The following NRXN3 variants were observed in gnomAD, a reference collection of about 807,000 sequenced individuals.
The protein encoded by NRXN3 is neurexin 3.
NRXN3 carries 32 observed loss-of-function variants against 137.6 expected under a neutral mutation model. The ratio of observed to expected loss-of-function variants is 0.23; its 90% CI spans 0.18 to 0.31. The LOEUF (loss-of-function observed/expected upper bound fraction) is 0.31. NRXN3 is among the 10% of genes least tolerant of loss of function. The pLI is 1.00. For missense variants in NRXN3, 1,574 were observed against 2,062.5 expected (o/e 0.76, Z 4.59); for synonymous variants, 798 against 784.5 (o/e 1.02, Z -0.29).
intron 15 of NRXN3, among the ~76,000 whole-genome samples, chr14:79,311,726 G>T (rs1403088614): frequency 2.4e-5 from 2 of 83,256 alleles, no homozygotes; most frequent in African/African-American, 4.5e-5. Flanking sequence ...TTGCGTAGAG[G>T]TGTTTGTAGT....
At chr14:78,607,698 A>C (rs192906392) in intron 4 of NRXN3, among the ~76,000 whole-genome samples, 3 of 152,322 alleles carry the variant, frequency 2.0e-5, no homozygotes, top group Admixed American at 6.5e-5. Context: ...GAACAGTTCC[A>C]TTCTGATAAG....
chr14:79,320,670 G>T (rs186629495), intron 15 of NRXN3, among the ~76,000 whole-genome samples: 1 of 152,184 alleles, frequency 6.6e-6, no homozygotes, highest in African/African-American at 2.4e-5. Context: ...AAAGAAAAAG[G>T]GTATCTGTGG....
chr14:79,442,360 A>G (rs1246942217), intron 15 of NRXN3, among the ~76,000 whole-genome samples: 1 of 152,142 alleles, frequency 6.6e-6, no homozygotes, highest in African/African-American at 2.4e-5. Context: ...GTTCATGGGG[A>G]GTTTGTGCAT....
At chr14:79,374,849 T>G (rs919844241) in intron 15 of NRXN3, among the ~76,000 whole-genome samples, 1 of 152,198 alleles carries the variant, frequency 6.6e-6, no homozygotes, top group African/African-American at 2.4e-5. Flanking sequence ...GTACCAATTA[T>G]GCAAGACTTC....
intron 1 of NRXN3, among the ~76,000 whole-genome samples, chr14:78,175,989 T>G (rs2059229150): frequency 6.6e-6 from 1 of 152,244 alleles, no homozygotes; most frequent in Admixed American, 6.5e-5. Flanking sequence ...TTTGTGTTCA[T>G]TGTGGTGTTC....
intron 16 of NRXN3, among the ~76,000 whole-genome samples, chr14:79,537,038 G>GTT (rs958035847): frequency 6.6e-6 from 1 of 152,116 alleles, no homozygotes; most frequent in African/African-American, 2.4e-5. Context: ...TTGCCACACT[G>GTT]TTTTCCATAA....
intron 10 of NRXN3, among the ~76,000 whole-genome samples, chr14:78,954,621 T>A (rs1328671303): frequency 1.3e-5 from 2 of 152,092 alleles, no homozygotes; most frequent in East Asian, 3.9e-4. Flanking sequence ...CCTGCCACCA[T>A]GCCCGGCTAG....
chr14:78,661,249 G>C (rs980179903), intron 6 of NRXN3, among the ~76,000 whole-genome samples: 1 of 152,176 alleles, frequency 6.6e-6, no homozygotes, highest in African/African-American at 2.4e-5. Flanking sequence ...CTAAGAAAAA[G>C]CTATATCATA....
intron 8 of NRXN3, among the ~76,000 whole-genome samples, chr14:78,728,455 A>G (rs534633385): frequency 1.2e-4 from 19 of 152,272 alleles, no homozygotes; most frequent in African/African-American, 4.3e-4. Context: ...GGAGTAGACA[A>G]TTGTAGTGAG....
Position 79,499,722 on chromosome 14 carries a change from G to A in NRXN3, c.3444+32320G>A, listed in dbSNP as rs190091240. ...TAGATGAAAATTAGAGATGATAACC[G>A]GTGCAATTTTGATCATCTATCTCCC... On this transcript the variant is annotated intron_variant, in intron 16 of 20. Transcript: ENST00000335750. 1.6e-3 allele frequency among the ~76,000 whole-genome samples: 251 copies of A among 152,176 alleles called. 1 individual carries two copies. Among genetic ancestry groups the A allele is most frequent in the Admixed American group, 3.3e-3 (50 of 15,284 alleles).
chr14:79,153,376 C>G (rs2059971046), intron 15 of NRXN3, among the ~76,000 whole-genome samples: 1 of 151,876 alleles, frequency 6.6e-6, no homozygotes. Flanking sequence ...AAGCAGAATA[C>G]TTAAAAGACA....
At chr14:79,795,928 TAAG>T (rs967255342) in intron 19 of NRXN3, among the ~76,000 whole-genome samples, 2 of 151,882 alleles carry the variant, frequency 1.3e-5, no homozygotes, top group African/African-American at 4.8e-5. Context: ...GGGAGGAAAA[TAAG>T]AAGAAAGAAA....
chr14:78,802,595 T>C (rs1459616958), intron 8 of NRXN3, among the ~76,000 whole-genome samples: 3 of 152,182 alleles, frequency 2.0e-5, no homozygotes, highest in African/African-American at 7.2e-5. Context: ...CACACTATAG[T>C]GTTAATCGAG....
At chr14:79,073,930 G>C (rs1411179359) in intron 15 of NRXN3, among the ~76,000 whole-genome samples, 1 of 152,140 alleles carries the variant, frequency 6.6e-6, no homozygotes, top group African/African-American at 2.4e-5. Flanking sequence ...CCACTACATA[G>C]GAGGGTATTT....
chr14:78,888,848 T>TACACACACACACACACACACAC lies in NRXN3; in HGVS notation c.2276-68391_2276-68370dup, dbSNP rs59053009. The stretch of plus-strand genomic sequence containing the variant: ...CTAGTTGGGAGAGTAATCACACACA[T>TACACACACACACACACACACAC]ACACACACACACACACACACACACC... On this transcript the variant is annotated intron_variant, in intron 10 of 20. Transcript: ENST00000335750. Among the ~76,000 whole-genome samples the TACACACACACACACACACACAC allele has an allele frequency of 3.4e-3, 495 of 146,414 alleles. 1 individual carries two copies. The highest frequency in any genetic ancestry group is 0.011 in the African/African-American group (454 of 39,748).
At chr14:79,581,849 T>C (rs1248468366) in intron 16 of NRXN3, among the ~76,000 whole-genome samples, 5 of 152,342 alleles carry the variant, frequency 3.3e-5, no homozygotes, top group South Asian at 4.1e-4. Context: ...AAACCTGTAT[T>C]ATATTTTTGG....
At chr14:79,525,553 C>G (rs1601636934) in intron 16 of NRXN3, among the ~76,000 whole-genome samples, 2 of 152,306 alleles carry the variant, frequency 1.3e-5, no homozygotes, top group South Asian at 4.1e-4. Flanking sequence ...CACAACTATT[C>G]CCCACAAATG....
At chr14:79,773,958 A>G (rs1487973603) in intron 19 of NRXN3, among the ~76,000 whole-genome samples, 1 of 152,090 alleles carries the variant, frequency 6.6e-6, no homozygotes, top group East Asian at 1.9e-4. Flanking sequence ...GAAAGTATAA[A>G]TGAATAAACT....
At chr14:79,196,717 G>T (rs1468290638) in intron 15 of NRXN3, among the ~76,000 whole-genome samples, 1 of 151,838 alleles carries the variant, frequency 6.6e-6, no homozygotes, top group Non-Finnish European at 1.5e-5. Flanking sequence ...TCATTTGCTT[G>T]CTTAAACTGT....
Sources: allele counts gnomAD v4.1 joint callset (sites outside exome capture counted in the v4.1 genomes callset), GRCh38; gene constraint gnomAD v4.1.1; transcripts MANE v1.5; gene names NCBI Gene and HGNC (gene_info 2026-07-23, HGNC 2026-07-21).